The following DDX10 variants were observed in gnomAD, a reference collection of about 807,000 sequenced individuals.
The protein encoded by DDX10 is DEAD-box helicase 10, also known as probable ATP-dependent RNA helicase DDX10.
DDX10 carries 74 observed loss-of-function variants against 104.3 expected under a neutral mutation model. The ratio of observed to expected loss-of-function variants is 0.71; its 90% confidence interval spans 0.59 to 0.86. DDX10 has a LOEUF of 0.86. DDX10 is among the 40% of genes least tolerant of loss of function. DDX10 has a pLI of 0.00. For synonymous variants in DDX10, 351 were observed against 353.4 expected (o/e 0.99, Z 0.08); for missense variants, 952 against 1,040.0 (o/e 0.92, Z 1.16).
chr11:108,768,306 C>T (rs1227425585), intron 13 of DDX10, among the ~76,000 whole-genome samples: 1 of 152,084 alleles, frequency 6.6e-6, no homozygotes, highest in Non-Finnish European at 1.5e-5. Context: ...AAGTGAGGAG[C>T]AGGATGTTCC....
chr11:108,666,769 A>C (rs781208987), intron 1 of DDX10, among the ~76,000 whole-genome samples: 1 of 152,204 alleles, frequency 6.6e-6, no homozygotes, highest in Non-Finnish European at 1.5e-5. Flanking sequence ...GGGCCTACAC[A>C]GATAATCCAG....
chr11:108,909,557 A>G (rs184350528), intron 16 of DDX10, among the ~76,000 whole-genome samples: 2 of 152,254 alleles, frequency 1.3e-5, no homozygotes, highest in East Asian at 1.9e-4. Context: ...TAAATGGGCA[A>G]TCATTAAGTA....
intron 13 of DDX10, among the ~76,000 whole-genome samples, chr11:108,791,116 T>G (rs2134548175): frequency 6.6e-6 from 1 of 152,360 alleles, no homozygotes; most frequent in Admixed American, 6.5e-5. Flanking sequence ...CTTCCTAGAC[T>G]GAGTCATAAA....
rs544032894 is a variant in DDX10 at position 108,802,754 on chromosome 11, C to T, written c.1966-35692C>T. On this transcript the variant is annotated intron_variant, in intron 13 of 17. Transcript: ENST00000322536. ...GTGTGCTTTGTGAAAATCCCCCCTC[C>T]CTCCTATTAACATAGTGAATTTTTG... Among the ~76,000 whole-genome samples the T allele has an allele frequency of 7.2e-5, 11 of 152,298 alleles. No individual in the cohort carries two copies. The South Asian group carries it at 2.3e-3, about 32-fold the overall frequency.
Position 108,890,252 on chromosome 11 carries a change from T to G in DDX10, c.2305-27621T>G, listed in dbSNP as rs1375408574. ...AATATGAAATATGGAACCCACATTC[T>G]GTGCCTATACGATAATAGCCTATAA... is the stretch of plus-strand genomic sequence containing the variant. On this transcript the variant is annotated intron_variant, in intron 16 of 17. Coordinates refer to ENST00000322536, the MANE Select transcript of DDX10 (RefSeq NM_004398.4). 2.6e-5 allele frequency among the ~76,000 whole-genome samples: 4 copies of G among 152,338 alleles called. No individual in the cohort carries two copies. In the East Asian group the frequency reaches 7.7e-4, roughly 29 times the overall value.
rs576714334 is a variant in DDX10 at position 108,851,811 on chromosome 11, T to TG, written c.2248-341dup. Reference sequence around the variant, plus strand: ...CCTTTCCATTTCCTTCCATTGAACTTGTTTCTAGAAATTCCAAGTAATCTC... The same window carrying TG: ...CCTTTCCATTTCCTTCCATTGAACTTGGTTTCTAGAAATTCCAAGTAATCTC... On this transcript the variant is annotated intron_variant, in intron 15 of 17. Coordinates refer to ENST00000322536, the MANE Select transcript of DDX10 (RefSeq NM_004398.4). 7.2e-5 allele frequency among the ~76,000 whole-genome samples: 11 copies of TG among 152,270 alleles called. No homozygotes were observed. In the South Asian group the frequency reaches 2.3e-3, roughly 32 times the overall value.
At chr11:108,878,729 A>T (rs1863186200) in intron 16 of DDX10, among the ~76,000 whole-genome samples, 1 of 151,556 alleles carries the variant, frequency 6.6e-6, no homozygotes, top group Non-Finnish European at 1.5e-5. Flanking sequence ...TTCCTTTGTC[A>T]TTTGGTTGCC....
At chr11:108,694,707 T>C (rs2094257290) in intron 9 of DDX10, among the ~76,000 whole-genome samples, 3 of 152,088 alleles carry the variant, frequency 2.0e-5, no homozygotes. Context: ...GGTGAAACCC[T>C]GTCTCTACTA....
In DDX10 at chr11:108,677,176, C is replaced by T. The variant is rs747403747; in HGVS notation, c.470C>T (p.Thr157Ile). The T allele has an allele frequency of 1.2e-6, 2 of 1,613,820 alleles. No individual in the cohort carries two copies. Among genetic ancestry groups the T allele is most frequent in the Non-Finnish European group, 1.7e-6 (2 of 1,179,906 alleles). Residue 157 changes from threonine (T) to isoleucine (I), a missense_variant, in exon 4 of 18, where the codon ACC becomes ATC. By Grantham distance (89) the Thr-to-Ile change is moderately conservative. Transcript: ENST00000322536. ...CCTACGAGAGAACTGGCCTATCAGA[C>T]CTTTGAGGTTCTCCGAAAAGTAGGA... ...ISPTRELAYQ[T>I]FEVLRKVGKN...
At chr11:108,681,753 A>G (rs2094235578) in intron 6 of DDX10, among the ~76,000 whole-genome samples, 1 of 152,320 alleles carries the variant, frequency 6.6e-6, no homozygotes, top group South Asian at 2.1e-4. Flanking sequence ...GGCCATAGCA[A>G]TTTGCTGTTT....
intron 17 of DDX10, among the ~76,000 whole-genome samples, chr11:108,923,859 G>A (rs1443794143): frequency 1.3e-5 from 2 of 152,188 alleles, no homozygotes; most frequent in Non-Finnish European, 2.9e-5. Flanking sequence ...AGTATTAACT[G>A]AGCAGAGGGG....
chr11:108,685,771 A>G (rs2094243067), intron 6 of DDX10, among the ~76,000 whole-genome samples: 2 of 152,222 alleles, frequency 1.3e-5, no homozygotes, highest in African/African-American at 4.8e-5. Flanking sequence ...TCTTCTGCCA[A>G]ACATTCATTC....
At chr11:108,668,261 A>C (rs1343480485) in intron 1 of DDX10, among the ~76,000 whole-genome samples, 1 of 152,252 alleles carries the variant, frequency 6.6e-6, no homozygotes, top group Non-Finnish European at 1.5e-5. Context: ...AAGGTTAAAC[A>C]GCTAAGAAGT....
In DDX10 at chr11:108,778,353, C is replaced by T. The variant is rs1196472072; in HGVS notation, c.1965+54891C>T. 6.6e-5 allele frequency among the ~76,000 whole-genome samples: 10 copies of T among 152,116 alleles called. No individual in the cohort carries two copies. The South Asian group carries it at 1.0e-3, about 16-fold the overall frequency. On this transcript the variant is annotated intron_variant, in intron 13 of 17. Transcript: ENST00000322536. ...ACTGGTACCAAAACAGAGATATAGA[C>T]CAATGGAACAGAACAGAGCCCTTGG...
intron 16 of DDX10, among the ~76,000 whole-genome samples, chr11:108,889,400 T>C (rs993877574): frequency 2.0e-5 from 3 of 152,202 alleles, no homozygotes; most frequent in Admixed American, 2.0e-4. Context: ...TTAAACATTA[T>C]TCTTTTTTTG....
intron 9 of DDX10, among the ~76,000 whole-genome samples, chr11:108,704,420 C>T (rs533982675): frequency 1.3e-5 from 2 of 152,194 alleles, no homozygotes; most frequent in South Asian, 4.1e-4. Flanking sequence ...TTCGCTTAAC[C>T]TCAAGAGTCT....
intron 17 of DDX10, chr11:108,918,370 A>G: frequency 3.5e-6 from 1 of 287,170 alleles, no homozygotes; most frequent in East Asian, 5.7e-5. Flanking sequence ...CTCTGCAAAC[A>G]GAGTTAGGGT....
chr11:108,747,035 A>G (rs1248653549), intron 13 of DDX10, among the ~76,000 whole-genome samples: 1 of 152,268 alleles, frequency 6.6e-6, no homozygotes, highest in East Asian at 1.9e-4. Flanking sequence ...TTGCAGATAG[A>G]AATGTGTATG....
chr11:108,796,000 T>C (rs918329348), intron 13 of DDX10, among the ~76,000 whole-genome samples: 6 of 152,220 alleles, frequency 3.9e-5, no homozygotes, highest in African/African-American at 1.4e-4. Flanking sequence ...CTAATAAGTA[T>C]AGAAGTGTTC....
Sources: allele counts gnomAD v4.1 joint callset (sites outside exome capture counted in the v4.1 genomes callset), GRCh38; gene constraint gnomAD v4.1.1; transcripts MANE v1.5; gene names NCBI Gene and HGNC (gene_info 2026-07-23, HGNC 2026-07-21).